The following CDH8 variants were observed in gnomAD, a reference collection of about 807,000 sequenced individuals.
The protein encoded by CDH8 is cadherin-8.
CDH8 carries 17 observed loss-of-function variants against 68.1 expected under a neutral mutation model. The observed-to-expected ratio is 0.25, with a 90% CI of 0.17 to 0.37. CDH8 has a LOEUF of 0.37. CDH8 is among the 10% of genes least tolerant of loss of function. The probability of loss-of-function intolerance (pLI) is 1.00; values close to 1 mark genes in which losing one functional copy is unlikely to be tolerated. For missense variants in CDH8, 763 were observed against 999.3 expected, an observed-to-expected ratio of 0.76 and a Z score of 3.19; for synonymous variants, 372 against 365.1, an observed-to-expected ratio of 1.02 and a Z score of -0.21.
In CDH8 at chr16:61,649,656, T is replaced by C. The variant is rs1172906146; in HGVS notation, c.*3952A>G. ...ACACTGCCCTGATCTCAGATGGAAC[T>C]TTCAATCAAAAAGGCAATCAGAAGG... On this transcript the variant is annotated 3_prime_UTR_variant, in exon 12 of 12. Transcript: ENST00000577390. 1 of 151,958 alleles carries C rather than the reference T, an allele frequency of 6.6e-6. No homozygotes were observed. The highest frequency in any genetic ancestry group is 1.5e-5 in the Non-Finnish European group (1 of 68,006). 9.4% of individuals were successfully genotyped at this position (151,958 alleles called of 1,614,324 possible). A position where few individuals can be genotyped will look rare whatever the true frequency, so the allele number is the denominator to read the frequency against.
At chr16:61,966,252 A>G (rs1319167288) in intron 2 of CDH8, among the ~76,000 whole-genome samples, 1 of 152,174 alleles carries the variant, frequency 6.6e-6, no homozygotes, top group Admixed American at 6.5e-5. Flanking sequence ...TAAAAAATAG[A>G]ATGTGGGCCG....
At chr16:61,781,915 A>G (rs979904798) in intron 8 of CDH8, among the ~76,000 whole-genome samples, 6 of 152,190 alleles carry the variant, frequency 3.9e-5, no homozygotes, top group African/African-American at 1.4e-4. Flanking sequence ...CCGTGATGGT[A>G]AGACACTAGG....
In CDH8 at chr16:61,817,608, T is replaced by C; in HGVS notation, c.1148A>G (p.Glu383Gly). 6.2e-7 allele frequency: 1 copy of C among 1,614,046 alleles called. No individual in the cohort carries two copies. The highest frequency in any genetic ancestry group is 8.5e-7 in the Non-Finnish European group (1 of 1,180,002). The change falls in exon 7 of 12, where the codon GAA becomes GGA. Residue 383 changes from glutamate (E) to glycine (G), a missense_variant. Glu to Gly is a moderately conservative substitution (Grantham distance 98). Coordinates refer to ENST00000577390, the MANE Select transcript of CDH8 (RefSeq NM_001796.5). Reference protein sequence around the residue: ...KDTATVKIVVEDADEPPVFSS... With the variant: ...KDTATVKIVVGDADEPPVFSS... Reference sequence around the variant, plus strand: ...GAAGACCGGAGGCTCATCAGCATCTTCAACCACGATTTTGACTGTCGCCGT... The same window carrying C: ...GAAGACCGGAGGCTCATCAGCATCTCCAACCACGATTTTGACTGTCGCCGT...
intron 10 of CDH8, 82 bp from the exon 11 acceptor site, chr16:61,655,803 C>G: frequency 8.2e-7 from 1 of 1,220,140 alleles, no homozygotes; most frequent in Non-Finnish European, 1.2e-6. Flanking sequence ...GTTCATGAAC[C>G]CTTTGCAAAC....
intron 4 of CDH8, among the ~76,000 whole-genome samples, chr16:61,853,175 T>A (rs1386870709): frequency 6.6e-6 from 1 of 152,048 alleles, no homozygotes; most frequent in African/African-American, 2.4e-5. Context: ...CTTAAGGTGA[T>A]AACTGAAACA....
rs1255230498 is a variant in CDH8, at chr16:61,901,212, A to G, written c.514T>C (p.Tyr172His). The G allele has an allele frequency of 6.2e-7, 1 of 1,613,984 alleles. No homozygotes were observed. Among genetic ancestry groups the G allele is most frequent in the South Asian group, 1.1e-5 (1 of 91,070 alleles). ...DNAPEFLNGPYHATVPEMSIL... is the reference protein window; with the variant it reads ...DNAPEFLNGPHHATVPEMSIL... The stretch of plus-strand genomic sequence containing the variant: ...GACATTTCTGGCACAGTAGCATGAT[A>G]GGGTCCATTAAGAAACTCTGGTGCA... The change falls in exon 3 of 12, where the codon TAT (tyrosine) becomes CAT (histidine). Residue 172 changes from tyrosine to histidine, a missense_variant. By Grantham distance (83) the Tyr-to-His change is moderately conservative (BLOSUM62 2). Coordinates refer to ENST00000577390, the MANE Select transcript of CDH8 (RefSeq NM_001796.5).
chr16:61,717,873 A>C (rs957467513), intron 9 of CDH8, among the ~76,000 whole-genome samples: 12 of 151,492 alleles, frequency 7.9e-5, no homozygotes, highest in African/African-American at 2.7e-4. Context: ...ATTTATCCTC[A>C]CAATACCTTG....
intron 10 of CDH8, among the ~76,000 whole-genome samples, chr16:61,681,070 C>T (rs1180722072): frequency 6.6e-6 from 1 of 151,868 alleles, no homozygotes; most frequent in Non-Finnish European, 1.5e-5. Flanking sequence ...TCTTACATTG[C>T]TTTCAAGGAT....
intron 7 of CDH8, among the ~76,000 whole-genome samples, chr16:61,810,131 T>C (rs991824723): frequency 1.3e-5 from 2 of 152,218 alleles, no homozygotes; most frequent in African/African-American, 4.8e-5. Context: ...GAGCCACACA[T>C]AATGAAATAA....
chr16:61,801,622 G>T (rs1961638278), intron 7 of CDH8, among the ~76,000 whole-genome samples: 4 of 152,220 alleles, frequency 2.6e-5, no homozygotes, highest in Non-Finnish European at 5.9e-5. Context: ...CCATGCGCGA[G>T]CCAAAGCAGG....
chr16:61,680,337 T>C (rs1400792128), intron 10 of CDH8, among the ~76,000 whole-genome samples: 1 of 151,958 alleles, frequency 6.6e-6, no homozygotes, highest in East Asian at 1.9e-4. Flanking sequence ...TATTTGTGAT[T>C]GATGGTAGTA....
At chr16:61,766,961 G>A (rs908717968) in intron 8 of CDH8, among the ~76,000 whole-genome samples, 7 of 151,882 alleles carry the variant, frequency 4.6e-5, no homozygotes, top group African/African-American at 1.2e-4. Context: ...TGGGATCCAC[G>A]TACGTGCTTT....
chr16:61,937,401 A>G (rs1413579447), intron 2 of CDH8, among the ~76,000 whole-genome samples: 2 of 152,162 alleles, frequency 1.3e-5, no homozygotes, highest in Non-Finnish European at 2.9e-5. Flanking sequence ...CATAGCAAAA[A>G]TCAAACTGAC....
intron 6 of CDH8, 59 bp from the exon 7 acceptor site, chr16:61,817,791 A>G: frequency 6.7e-7 from 1 of 1,489,568 alleles, no homozygotes; most frequent in Non-Finnish European, 9.0e-7. Flanking sequence ...GCAAGAACAA[A>G]TGAGTATAAT....
At chr16:61,738,364 C>T (rs747956616) in intron 8 of CDH8, among the ~76,000 whole-genome samples, 1 of 152,146 alleles carries the variant, frequency 6.6e-6, no homozygotes, top group Non-Finnish European at 1.5e-5. Flanking sequence ...TGTATAACCA[C>T]TTGGCAAGTT....
At chr16:61,728,655 T>G (rs531121177) in intron 8 of CDH8, among the ~76,000 whole-genome samples, 2 of 151,318 alleles carry the variant, frequency 1.3e-5, no homozygotes, top group African/African-American at 4.8e-5. Context: ...CCTTTATCTA[T>G]TCAACAAAAC....
intron 3 of CDH8, among the ~76,000 whole-genome samples, chr16:61,884,679 T>C (rs1963640117): frequency 6.6e-6 from 1 of 152,184 alleles, no homozygotes; most frequent in Non-Finnish European, 1.5e-5. Flanking sequence ...TGGACCCTTA[T>C]GATTTTCTTG....
intron 8 of CDH8, among the ~76,000 whole-genome samples, chr16:61,757,379 T>G (rs1960348894): frequency 6.6e-6 from 1 of 152,084 alleles, no homozygotes; most frequent in Admixed American, 6.6e-5. Flanking sequence ...TTTATAATAT[T>G]TAATATCTAT....
At chr16:61,747,156 C>T (rs1211658453) in intron 8 of CDH8, among the ~76,000 whole-genome samples, 1 of 152,042 alleles carries the variant, frequency 6.6e-6, no homozygotes, top group Non-Finnish European at 1.5e-5. Flanking sequence ...AATCATCCGT[C>T]CATCTATGCA....
Sources: allele counts gnomAD v4.1 joint callset (sites outside exome capture counted in the v4.1 genomes callset), GRCh38; gene constraint gnomAD v4.1.1; transcripts MANE v1.5; gene names NCBI Gene and HGNC (gene_info 2026-07-23, HGNC 2026-07-21).